Variants in MYO5A observed in about 807,000 individuals in gnomAD.
The protein encoded by MYO5A is myosin VA, also known as unconventional myosin-Va.
A neutral mutation model predicts 249.7 loss-of-function variants in MYO5A; 98 were observed. The observed-to-expected ratio is 0.39, with a 90% confidence interval of 0.33 to 0.46. MYO5A has a LOEUF of 0.46. MYO5A is among the 20% of genes least tolerant of loss of function. The probability of loss-of-function intolerance (pLI) is 0.98; values close to 1 mark genes in which losing one functional copy is unlikely to be tolerated. For synonymous variants in MYO5A, 778 were observed against 810.6 expected (o/e 0.96, Z 0.68); for missense variants, 1,696 against 2,308.8 (o/e 0.73, Z 5.44).
intron 1 of MYO5A, among the ~76,000 whole-genome samples, chr15:52,499,226 T>C (rs1332525571): frequency 1.3e-5 from 2 of 152,228 alleles, no homozygotes; most frequent in South Asian, 2.1e-4. Flanking sequence ...ATTAAAGATA[T>C]TTAAGCTTTT....
intron 14 of MYO5A, among the ~76,000 whole-genome samples, chr15:52,386,255 G>A (rs1416810536): frequency 6.6e-6 from 1 of 152,012 alleles, no homozygotes; most frequent in Non-Finnish European, 1.5e-5. Flanking sequence ...GCTGCAGTGA[G>A]CCCTATGATC....
chr15:52,384,518 A>G (rs1425670327), intron 14 of MYO5A, among the ~76,000 whole-genome samples, 196 bp from the exon 15 acceptor site: 1 of 152,196 alleles, frequency 6.6e-6, no homozygotes, highest in African/African-American at 2.4e-5. Context: ...AATAACACGG[A>G]AAAATGCAAT....
intron 37 of MYO5A, among the ~76,000 whole-genome samples, chr15:52,321,746 G>A (rs918237620): frequency 7.7e-6 from 1 of 130,574 alleles, no homozygotes; most frequent in Non-Finnish European, 1.6e-5. Flanking sequence ...TAGCATTTAA[G>A]TCTTCCCAAT....
chr15:52,387,794 A>C lies in MYO5A; in HGVS notation c.1752+35T>G, dbSNP rs761842977. 2.8e-6 allele frequency: 4 copies of C among 1,423,794 alleles called. No individual in the cohort carries two copies. The South Asian group carries it at 4.6e-5, about 17-fold the overall frequency. 88.2% of individuals were successfully genotyped at this position (1,423,794 alleles called of 1,614,324 possible). ...TTGTTAAAAAGCTAATGCTTTGCATACATCCTGGATTAGAGTAAGCCTATC... is the reference window on the plus strand; with the variant it reads ...TTGTTAAAAAGCTAATGCTTTGCATCCATCCTGGATTAGAGTAAGCCTATC... On this transcript the variant is annotated intron_variant, in intron 14 of 41. Coordinates refer to ENST00000399233, the MANE Select transcript of MYO5A (RefSeq NM_001382347.1).
At chr15:52,335,692 T>TTCA (rs919600972) in intron 34 of MYO5A, among the ~76,000 whole-genome samples, 60 of 152,288 alleles carry the variant, frequency 3.9e-4, no homozygotes, top group Admixed American at 1.2e-3. Context: ...AAGGAATTTT[T>TTCA]TCATCATCAT....
At chr15:52,329,270 G>A (rs2038755178) in intron 35 of MYO5A, among the ~76,000 whole-genome samples, 1 of 152,184 alleles carries the variant, frequency 6.6e-6, no homozygotes, top group African/African-American at 2.4e-5. Flanking sequence ...TGAAACTTAA[G>A]CACCTGTGCA....
At chr15:52,528,723 G>A in intron 1 of MYO5A, 57 bp downstream of exon 1, 1 of 1,482,114 alleles carries the variant, frequency 6.7e-7, no homozygotes, top group South Asian at 1.3e-5. Context: ...CAGCCTGACA[G>A]CTGGCGGCGA....
chr15:52,319,803 T>G (rs1439035240), intron 38 of MYO5A, among the ~76,000 whole-genome samples: 2 of 152,194 alleles, frequency 1.3e-5, no homozygotes, highest in Non-Finnish European at 2.9e-5. Context: ...CTTCCGGATT[T>G]TAAACTTTAC....
chr15:52,390,243 C>T (rs1281416416), intron 12 of MYO5A, among the ~76,000 whole-genome samples: 1 of 152,026 alleles, frequency 6.6e-6, no homozygotes, highest in Non-Finnish European at 1.5e-5. Context: ...TTTAATTATA[C>T]ATTTAAGAAT....
chr15:52,391,797 G>T, intron 12 of MYO5A, 133 bp downstream of exon 12: 1 of 886,288 alleles, frequency 1.1e-6, no homozygotes. Context: ...CCTTTGGAAT[G>T]AAAGCATAAC....
chr15:52,338,114 C>T (rs953519977), intron 32 of MYO5A, among the ~76,000 whole-genome samples: 4 of 152,096 alleles, frequency 2.6e-5, no homozygotes, highest in Admixed American at 2.6e-4. Flanking sequence ...GAGGCTGTGG[C>T]CAGGATGCCA....
At position 52,330,303 on chromosome 15, in the gene MYO5A, A is replaced by G. The variant is rs1263834043; in HGVS notation, c.4555+50T>C. ...AAATTAGTGACTAGTTTTTCCCACCATTAACCCATGTGCCAGAAGGAACTT... is the reference window on the plus strand; with the variant it reads ...AAATTAGTGACTAGTTTTTCCCACCGTTAACCCATGTGCCAGAAGGAACTT... On this transcript the variant is annotated intron_variant, in intron 35 of 41. Transcript: ENST00000399233. The G allele has an allele frequency of 3.1e-6, 5 of 1,612,842 alleles. No individual in the cohort carries two copies. In the African/African-American group the frequency reaches 4.0e-5, roughly 13 times the overall value.
chr15:52,382,064 G>A (rs1345242171), intron 16 of MYO5A, among the ~76,000 whole-genome samples: 1 of 151,814 alleles, frequency 6.6e-6, no homozygotes, highest in Admixed American at 6.6e-5. Context: ...CACTACACCC[G>A]GCTAATTTTT....
chr15:52,353,920 T>C lies in MYO5A; in HGVS notation c.3518A>G (p.Gln1173Arg), dbSNP rs1267823303. Residue 1173 changes from glutamine to arginine, a missense_variant, in exon 26 of 42, where the codon CAG becomes CGG. Gln to Arg is a conservative substitution (Grantham distance 43, BLOSUM62 1). This residue lies in a region of MYO5A where 625 missense variants were observed against 908.1 expected (regional missense o/e 0.69). Coordinates refer to ENST00000399233, the MANE Select transcript of MYO5A (RefSeq NM_001382347.1). ...TELEQEKQVM[Q>R]DELDRKEEQV... ...CTCCTCCTTGCGGTCCAGCTCATCC[T>C]GCATCACCTGCTTCTCCTGCTCCAG... 1.2e-6 allele frequency: 2 copies of C among 1,614,262 alleles called. No homozygotes were observed. Among genetic ancestry groups the C allele is most frequent in the Non-Finnish European group, 1.7e-6 (2 of 1,180,044 alleles).
chr15:52,399,643 G>A (rs993773154), intron 9 of MYO5A, among the ~76,000 whole-genome samples: 2 of 151,792 alleles, frequency 1.3e-5, no homozygotes, highest in African/African-American at 4.8e-5. Flanking sequence ...GTATATACCT[G>A]AAACTTTTTT....
At chr15:52,404,470 C>T (rs1336624014) in intron 9 of MYO5A, among the ~76,000 whole-genome samples, 2 of 151,954 alleles carry the variant, frequency 1.3e-5, no homozygotes, top group Non-Finnish European at 2.9e-5. Context: ...AGAAAAAAGG[C>T]AACTAAGTGA....
intron 14 of MYO5A, among the ~76,000 whole-genome samples, chr15:52,384,889 A>G (rs1339264558): frequency 6.6e-6 from 1 of 152,270 alleles, no homozygotes; most frequent in Non-Finnish European, 1.5e-5. Flanking sequence ...AGTTATGAAT[A>G]ATAATTTTTG....
intron 5 of MYO5A, among the ~76,000 whole-genome samples, chr15:52,414,295 C>T (rs2043379098): frequency 6.6e-6 from 1 of 152,178 alleles, no homozygotes; most frequent in Admixed American, 6.5e-5. Context: ...GCTTACTGTA[C>T]AGCCCACAGA....
intron 1 of MYO5A, among the ~76,000 whole-genome samples, chr15:52,458,887 G>A (rs1006440861): frequency 6.6e-6 from 1 of 151,900 alleles, no homozygotes; most frequent in Non-Finnish European, 1.5e-5. Context: ...ATTGGCAAGG[G>A]CACAGGAATT....
Sources: allele counts gnomAD v4.1 joint callset (sites outside exome capture counted in the v4.1 genomes callset), GRCh38; gene constraint gnomAD v4.1.1; regional missense constraint gnomAD v4.1.1; transcripts MANE v1.5; gene names NCBI Gene and HGNC (gene_info 2026-07-23, HGNC 2026-07-21).